The following ANKRD28 variants were observed in gnomAD, a reference collection of about 807,000 sequenced individuals.
ANKRD28 encodes serine/threonine-protein phosphatase 6 regulatory ankyrin repeat subunit A.
In ANKRD28, 44 loss-of-function variants were observed where a neutral mutation model predicts 126.5. The ratio of observed to expected loss-of-function variants is 0.35; its 90% CI spans 0.27 to 0.45. ANKRD28 has a LOEUF of 0.45. ANKRD28 is among the 20% of genes least tolerant of loss of function. The pLI, the probability that ANKRD28 is intolerant of heterozygous loss-of-function variation, is 1.00. For missense variants in ANKRD28, 1,110 were observed against 1,316.6 expected (o/e 0.84, Z 2.43); for synonymous variants, 442 against 468.5 (o/e 0.94, Z 0.73).
At chr3:15,671,886 C>T (rs1485984403) in intron 27 of ANKRD28, among the ~76,000 whole-genome samples, 1 of 151,946 alleles carries the variant, frequency 6.6e-6, no homozygotes, top group Non-Finnish European at 1.5e-5. Flanking sequence ...ACCCAGCCTA[C>T]AGTTTAGAGT....
At chr3:15,809,752 T>C (rs1050939514) in intron 1 of ANKRD28, among the ~76,000 whole-genome samples, 12 of 152,204 alleles carry the variant, frequency 7.9e-5, no homozygotes, top group African/African-American at 2.9e-4. Flanking sequence ...TTAACAATTA[T>C]CTACACCACC....
At chr3:15,679,602 G>C in intron 21 of ANKRD28, 39 bp from the exon 22 acceptor site, 1 of 1,520,556 alleles carries the variant, frequency 6.6e-7, no homozygotes, top group African/African-American at 1.4e-5. Flanking sequence ...AAATTCAAAG[G>C]AGATACTGGC....
intron 4 of ANKRD28, among the ~76,000 whole-genome samples, chr3:15,742,393 C>G (rs932799884): frequency 4.4e-4 from 67 of 150,962 alleles, no homozygotes; most frequent in African/African-American, 1.5e-3. Context: ...CCCGCCGCCC[C>G]GTCTGGGATG....
chr3:15,836,241 A>G (rs1266814991), intron 1 of ANKRD28, among the ~76,000 whole-genome samples: 1 of 152,150 alleles, frequency 6.6e-6, no homozygotes, highest in East Asian at 1.9e-4. Context: ...TTTATTACAT[A>G]AATTAACATA....
chr3:15,854,937 T>C lies in ANKRD28; in HGVS notation c.27+4440A>G, dbSNP rs1305813790. ...GGTGGTGGGCGCCTGTAGTCCCAGC[T>C]ACTAGGGAGGCTGAGGCAGGAGAAT... On this transcript the variant is annotated intron_variant, in intron 1 of 27. Transcript: ENST00000399451. This position sits in a 1 kb window ranked among gnomAD's most constrained non-coding sequence, Gnocchi z 4.1. Among the ~76,000 whole-genome samples the C allele has an allele frequency of 1.3e-5, 2 of 152,028 alleles. No individual in the cohort carries two copies. Among genetic ancestry groups the C allele is most frequent in the Non-Finnish European group, 2.9e-5 (2 of 67,990 alleles).
chr3:15,838,785 C>T lies in ANKRD28; in HGVS notation c.27+20592G>A, dbSNP rs565570694. On this transcript the variant is annotated intron_variant, in intron 1 of 27. Coordinates refer to the ANKRD28 transcript ENST00000399451. This position sits in a 1 kb window ranked among gnomAD's most constrained non-coding sequence, Gnocchi z 4.0. Reference sequence around the variant, plus strand: ...AAAATCTTCGCAAGAGAAGTTAAAACGTGTCCATACACAGACTCATACATG... The same window carrying T: ...AAAATCTTCGCAAGAGAAGTTAAAATGTGTCCATACACAGACTCATACATG... 6.6e-6 allele frequency among the ~76,000 whole-genome samples: 1 copy of T among 151,850 alleles called. No homozygotes were observed. Among genetic ancestry groups the T allele is most frequent in the Non-Finnish European group, 1.5e-5 (1 of 67,974 alleles).
At chr3:15,749,942 CTG>C (rs772324473) in intron 4 of ANKRD28, among the ~76,000 whole-genome samples, 1 of 152,158 alleles carries the variant, frequency 6.6e-6, no homozygotes, top group Non-Finnish European at 1.5e-5. Flanking sequence ...GGTTGTGTTT[CTG>C]TTTAGTCATC....
chr3:15,751,680 A>C, intron 4 of ANKRD28, 70 bp downstream of exon 4: 1 of 1,001,806 alleles, frequency 1.0e-6, no homozygotes, highest in Non-Finnish European at 1.5e-6. Flanking sequence ...ATAGAATTTG[A>C]ATATGGATTC....
At chr3:15,783,200 C>G (rs2059616437) in intron 2 of ANKRD28, among the ~76,000 whole-genome samples, 1 of 151,308 alleles carries the variant, frequency 6.6e-6, no homozygotes, top group Non-Finnish European at 1.5e-5. Context: ...TCTGAAAACT[C>G]AAGAGTAAGA....
chr3:15,687,194 C>A (rs982955220), intron 18 of ANKRD28, among the ~76,000 whole-genome samples: 8 of 152,060 alleles, frequency 5.3e-5, no homozygotes, highest in Admixed American at 5.2e-4. Flanking sequence ...CCACCCACCT[C>A]GGCCTCCCAA....
chr3:15,840,160 C>T (rs2061399286), intron 1 of ANKRD28, among the ~76,000 whole-genome samples: 1 of 152,102 alleles, frequency 6.6e-6, no homozygotes, highest in African/African-American at 2.4e-5. Context: ...AGACTCCACA[C>T]ACAAAAAAAC....
Position 15,670,101 on chromosome 3 carries a change from A to T in ANKRD28, c.*169T>A, listed in dbSNP as rs2066199921. 1.4e-5 allele frequency: 10 copies of T among 692,980 alleles called. No homozygotes were observed. Among genetic ancestry groups the T allele is most frequent in the Non-Finnish European group, 2.3e-5 (10 of 428,824 alleles). 42.9% of individuals were successfully genotyped at this position (692,980 alleles called of 1,614,324 possible). A position where few individuals can be genotyped will look rare whatever the true frequency, so the allele number is the denominator to read the frequency against. ...TCAAGATTCTAGAAGTTCCTTTTGT[A>T]AAACTTGCCTTTAAAACTCTTCCTC... is the stretch of plus-strand genomic sequence containing the variant. On this transcript the variant is annotated 3_prime_UTR_variant, in exon 28 of 28. Transcript: ENST00000683139.
At chr3:15,795,125 C>G (rs1176778816) in intron 2 of ANKRD28, 98 bp downstream of exon 2, 1 of 848,182 alleles carries the variant, frequency 1.2e-6, no homozygotes. Flanking sequence ...ACAACTGTTA[C>G]AGAGTTATAT....
At chr3:15,771,647 G>GC (rs1215584707) in intron 2 of ANKRD28, among the ~76,000 whole-genome samples, 1 of 152,124 alleles carries the variant, frequency 6.6e-6, no homozygotes, top group Non-Finnish European at 1.5e-5. Flanking sequence ...TAAAGGATCT[G>GC]CCCCCATGAT....
chr3:15,708,002 G>A lies in ANKRD28; in HGVS notation c.1469C>T (p.Ser490Leu), dbSNP rs750926049. ...NYQCLFALVG[S>L]GASVNDLDER... ...ATCAAGGTCATTCACACTTGCTCCT[G>A]ATCCCACAAGAGCAAACAGGCACTG... The change falls in exon 14 of 28, where the codon TCA becomes TTA. Residue 490 changes from serine to leucine, a missense_variant. Ser to Leu is a moderately radical substitution (Grantham distance 145). Coordinates refer to ENST00000683139, the MANE Select transcript of ANKRD28 (RefSeq NM_001349278.2). 8.7e-6 allele frequency: 14 copies of A among 1,611,300 alleles called. No homozygotes were observed. The highest frequency in any genetic ancestry group is 1.2e-5 in the Non-Finnish European group (14 of 1,178,856).
At chr3:15,722,662 T>C (rs774970216) in intron 7 of ANKRD28, among the ~76,000 whole-genome samples, 1 of 152,222 alleles carries the variant, frequency 6.6e-6, no homozygotes, top group Non-Finnish European at 1.5e-5. Flanking sequence ...GGCCCCAACA[T>C]AATGCAGCTT....
Position 15,797,861 on chromosome 3 carries a change from A to G in ANKRD28, c.-1340T>C. ...GTAGGTCCTTAAAAAATATCTATAGAACCTCAGTATCAGTCCCACAGAAGC... is the reference window on the plus strand; with the variant it reads ...GTAGGTCCTTAAAAAATATCTATAGGACCTCAGTATCAGTCCCACAGAAGC... On this transcript the variant is annotated 5_prime_UTR_variant, in exon 1 of 28. Transcript: ENST00000683139. 1.0e-6 allele frequency: 1 copy of G among 985,448 alleles called. No individual in the cohort carries two copies. The highest frequency in any genetic ancestry group is 1.2e-6 in the Non-Finnish European group (1 of 829,948). 61.0% of individuals were successfully genotyped at this position (985,448 alleles called of 1,614,324 possible).
rs1372417742 is a variant in ANKRD28, at chr3:15,814,774, A to G, written c.28-19468T>C. ...ATGAAAAGTTTAAAATATTCAATCT[A>G]TACGCTTTTTGAATATGTAGAACAT... is the stretch of plus-strand genomic sequence containing the variant. On this transcript the variant is annotated intron_variant, in intron 1 of 27. Transcript: ENST00000399451. The surrounding 1 kb of genome is among the most constrained non-coding windows in gnomAD (Gnocchi z 4.7). Among the ~76,000 whole-genome samples the G allele has an allele frequency of 6.6e-6, 1 of 151,934 alleles. No individual in the cohort carries two copies. Among genetic ancestry groups the G allele is most frequent in the Non-Finnish European group, 1.5e-5 (1 of 67,942 alleles).
intron 1 of ANKRD28, among the ~76,000 whole-genome samples, chr3:15,821,475 T>C (rs954207231): frequency 3.9e-5 from 6 of 152,186 alleles, no homozygotes; most frequent in Non-Finnish European, 2.9e-5. Context: ...ATGAACATTA[T>C]ATCTACTTAT....
Sources: gnomAD v4.1 joint callset for allele counts (sites outside exome capture counted in the v4.1 genomes callset) on GRCh38, gnomAD v4.1.1 for gene constraint, Gnocchi (gnomAD v3.1) non-coding constraint, MANE v1.5 for transcripts, NCBI Gene and HGNC (gene_info 2026-07-23, HGNC 2026-07-21) for gene names.